KCNJ6: variants seen among roughly 807,000 people sequenced by gnomAD.
KCNJ6 encodes the protein G protein-activated inward rectifier potassium channel 2.
A neutral mutation model predicts 34.2 loss-of-function variants in KCNJ6; 9 were observed. The observed-to-expected ratio is 0.26, with a 90% CI of 0.16 to 0.46. The LOEUF (loss-of-function observed/expected upper bound fraction) is 0.46, where lower values mean the gene tolerates loss of function less well. Ranked by LOEUF, KCNJ6 falls within the 20% of genes least tolerant of loss-of-function variation. The pLI is 1.00. For missense variants in KCNJ6, 236 were observed against 531.3 expected, an observed-to-expected ratio of 0.44 and a Z score of 5.46; for synonymous variants, 196 against 207.1, an observed-to-expected ratio of 0.95 and a Z score of 0.46.
chr21:37,750,893 T>C (rs778493306), intron 2 of KCNJ6, among the ~76,000 whole-genome samples: 29 of 152,104 alleles, frequency 1.9e-4, no homozygotes, highest in Non-Finnish European at 3.2e-4. Context: ...AAAAATGCAA[T>C]ATTATTATTA....
rs1037281439 is a variant in KCNJ6 at position 37,622,461 on chromosome 21, T to C, written c.*2698A>G. The C allele has an allele frequency of 2.6e-5, 4 of 152,188 alleles. No individual in the cohort carries two copies. The highest frequency in any genetic ancestry group is 9.6e-5 in the African/African-American group (4 of 41,454). 9.4% of individuals were successfully genotyped at this position (152,188 alleles called of 1,614,324 possible). ...CCAAATTTTAACAGTTGACACAAAA[T>C]ACACTGTTAAACTGTGTTAACAACT... On this transcript the variant is annotated 3_prime_UTR_variant, in exon 4 of 4. Coordinates refer to ENST00000609713, the MANE Select transcript of KCNJ6 (RefSeq NM_002240.5).
At chr21:37,913,594 C>A (rs1171232512) in intron 1 of KCNJ6, among the ~76,000 whole-genome samples, 1 of 152,090 alleles carries the variant, frequency 6.6e-6, no homozygotes, top group South Asian at 2.1e-4. Context: ...CTGAGGCAGG[C>A]GGATCACAAC....
At chr21:37,657,627 G>C (rs1341077401) in intron 3 of KCNJ6, among the ~76,000 whole-genome samples, 1 of 152,176 alleles carries the variant, frequency 6.6e-6, no homozygotes, top group African/African-American at 2.4e-5. Context: ...GGACTCAGCT[G>C]GGATCGTTGG....
At chr21:37,728,799 G>C (rs1184013438) in intron 2 of KCNJ6, among the ~76,000 whole-genome samples, 1 of 152,146 alleles carries the variant, frequency 6.6e-6, no homozygotes, top group East Asian at 1.9e-4. Context: ...AGATAATTCA[G>C]AGCTGTAGTT....
chr21:37,759,723 C>T (rs2055050878), intron 2 of KCNJ6, among the ~76,000 whole-genome samples: 1 of 152,188 alleles, frequency 6.6e-6, no homozygotes, highest in South Asian at 2.1e-4. Context: ...TTCACCTGTC[C>T]AACCACACTG....
intron 3 of KCNJ6, among the ~76,000 whole-genome samples, chr21:37,699,055 T>C (rs936761741): frequency 2.6e-5 from 4 of 152,192 alleles, no homozygotes; most frequent in African/African-American, 9.7e-5. Context: ...TAATACTTTA[T>C]GACATGTGAA....
intron 3 of KCNJ6, among the ~76,000 whole-genome samples, chr21:37,671,941 T>G (rs956929349): frequency 6.6e-6 from 1 of 152,240 alleles, no homozygotes; most frequent in Non-Finnish European, 1.5e-5. Context: ...GTTTATTGGC[T>G]CTCGTAGTAT....
intron 3 of KCNJ6, among the ~76,000 whole-genome samples, chr21:37,652,206 G>GGA (rs1294542758): frequency 6.6e-6 from 1 of 152,186 alleles, no homozygotes; most frequent in Admixed American, 6.5e-5. Flanking sequence ...AGCCCACGGA[G>GGA]GAGAGTGGTT....
intron 2 of KCNJ6, among the ~76,000 whole-genome samples, chr21:37,818,422 T>C (rs1568860008): frequency 6.6e-6 from 1 of 152,144 alleles, no homozygotes; most frequent in Non-Finnish European, 1.5e-5. Context: ...CATGACATTT[T>C]ATAACACAAT....
rs747248022 is a variant in KCNJ6, at chr21:37,664,890, G to A, written c.947-39406C>T. 6.4e-4 allele frequency among the ~76,000 whole-genome samples: 94 copies of A among 146,030 alleles called. 2 individuals are homozygous for A. Among genetic ancestry groups the A allele is most frequent in the Admixed American group, 8.6e-4 (12 of 13,978 alleles). On this transcript the variant is annotated intron_variant, in intron 3 of 3. Transcript: ENST00000609713. The stretch of plus-strand genomic sequence containing the variant: ...TGGCTCACTGCAAGCTCTGCCTCCC[G>A]GTTCACACCATTCTCCTGCCTCAGC...
chr21:37,726,801 C>T (rs1313522638), intron 2 of KCNJ6, among the ~76,000 whole-genome samples: 1 of 152,184 alleles, frequency 6.6e-6, no homozygotes, highest in African/African-American at 2.4e-5. Flanking sequence ...AAAACAAATG[C>T]TGCATAGAGC....
At chr21:37,762,765 C>T (rs1005935607) in intron 2 of KCNJ6, among the ~76,000 whole-genome samples, 2 of 152,144 alleles carry the variant, frequency 1.3e-5, no homozygotes, top group Non-Finnish European at 2.9e-5. Context: ...CCAGCTTACA[C>T]ATGACGATCC....
chr21:37,824,608 T>A (rs1043950944), intron 2 of KCNJ6, among the ~76,000 whole-genome samples: 1 of 152,026 alleles, frequency 6.6e-6, no homozygotes, highest in Admixed American at 6.5e-5. Context: ...ATGGGGGCAT[T>A]TTCCCCCAAG....
intron 2 of KCNJ6, among the ~76,000 whole-genome samples, chr21:37,727,733 G>A (rs1201244141): frequency 5.3e-5 from 8 of 152,082 alleles, no homozygotes; most frequent in African/African-American, 1.4e-4. Context: ...GAGTGGTGGC[G>A]AATATTTGGG....
chr21:37,781,177 G>A (rs1023357211), intron 2 of KCNJ6, among the ~76,000 whole-genome samples: 4 of 152,206 alleles, frequency 2.6e-5, no homozygotes, highest in Non-Finnish European at 5.9e-5. Flanking sequence ...AGGAGCTTTC[G>A]ATAATGTGAG....
At chr21:37,845,528 G>A (rs949658059) in intron 1 of KCNJ6, among the ~76,000 whole-genome samples, 10 of 152,162 alleles carry the variant, frequency 6.6e-5, no homozygotes, top group African/African-American at 2.4e-4. Context: ...CTGTGAAGTG[G>A]GGATAGGTGG....
chr21:37,803,102 G>T (rs558863752), intron 2 of KCNJ6, among the ~76,000 whole-genome samples: 1 of 152,266 alleles, frequency 6.6e-6, no homozygotes, highest in East Asian at 1.9e-4. Flanking sequence ...AACGCACAGC[G>T]AACTGGTTAA....
chr21:37,909,692 T>C (rs1318811231), intron 1 of KCNJ6, among the ~76,000 whole-genome samples: 1 of 152,208 alleles, frequency 6.6e-6, no homozygotes, highest in East Asian at 1.9e-4. Context: ...TTTACTTACA[T>C]TATCACATGA....
At chr21:37,778,198 G>C (rs1354243257) in intron 2 of KCNJ6, among the ~76,000 whole-genome samples, 1 of 152,192 alleles carries the variant, frequency 6.6e-6, no homozygotes, top group Non-Finnish European at 1.5e-5. Flanking sequence ...ATGCTGACTA[G>C]GGTATGATTC....
Sources: allele counts gnomAD v4.1 joint callset (sites outside exome capture counted in the v4.1 genomes callset), GRCh38; gene constraint gnomAD v4.1.1; transcripts MANE v1.5; gene names NCBI Gene and HGNC (gene_info 2026-07-23, HGNC 2026-07-21).